C4orf50: variants seen among roughly 807,000 people sequenced by gnomAD.
C4orf50 encodes chromosome 4 open reading frame 50.
In C4orf50, 80 loss-of-function variants were observed where a neutral mutation model predicts 77.2. The observed-to-expected ratio is 1.04, with a 90% confidence interval of 0.87 to 1.25. The LOEUF (loss-of-function observed/expected upper bound fraction) is 1.25, where lower values mean the gene tolerates loss of function less well. C4orf50 is among the 50% of genes most tolerant of loss of function. The pLI, the probability that C4orf50 is intolerant of heterozygous loss-of-function variation, is 0.00. For missense variants in C4orf50, 1,257 were observed against 1,152.9 expected (o/e 1.09, Z -1.31); for synonymous variants, 532 against 465.3 (o/e 1.14, Z -1.84).
At chr4:5,898,219 A>G (rs1242264474) in intron 7 of C4orf50, 1 of 152,194 alleles carries the variant, frequency 6.6e-6, no homozygotes, top group Admixed American at 6.5e-5. Flanking sequence ...TCTGCCAATG[A>G]CACTCATGCC....
At chr4:5,998,819 GCA>G (rs1272219212) in intron 25 of C4orf50, among the ~76,000 whole-genome samples, 1 of 152,244 alleles carries the variant, frequency 6.6e-6, no homozygotes, top group Non-Finnish European at 1.5e-5. Context: ...GGTGCCCAGT[GCA>G]CACTCATGGG....
At chr4:5,985,292 A>C (rs985277340) in intron 28 of C4orf50, among the ~76,000 whole-genome samples, 1 of 152,182 alleles carries the variant, frequency 6.6e-6, no homozygotes, top group East Asian at 1.9e-4. Context: ...AAAGAACAGA[A>C]TAAGAACATG....
intron 7 of C4orf50, among the ~76,000 whole-genome samples, chr4:5,939,773 A>T (rs1466770437): frequency 6.6e-6 from 1 of 152,084 alleles, no homozygotes; most frequent in Non-Finnish European, 1.5e-5. Context: ...CTGTCCCCAG[A>T]CTGCAGAAAA....
chr4:6,018,228 G>A lies in C4orf50; in HGVS notation c.204C>T (p.Leu68=). Residue 68 remains leucine, a synonymous_variant, in exon 23 of 34, where the codon CTC becomes CTT. Transcript: ENST00000531445. This position sits in a 1 kb window ranked among gnomAD's most constrained non-coding sequence, Gnocchi z 5.1. The stretch of plus-strand genomic sequence containing the variant: ...GCTCGGAGGACTCCAGCTGCCTCCT[G>A]AGCGCACCCATATCCATGTCTGGGC... The A allele has an allele frequency of 5.0e-6, 2 of 399,018 alleles. No individual in the cohort carries two copies. The highest frequency in any genetic ancestry group is 8.8e-6 in the Non-Finnish European group (2 of 226,084). 24.7% of individuals were successfully genotyped at this position (399,018 alleles called of 1,614,324 possible).
chr4:5,996,993 A>G (rs1721620930), intron 25 of C4orf50, among the ~76,000 whole-genome samples: 1 of 152,250 alleles, frequency 6.6e-6, no homozygotes, highest in African/African-American at 2.4e-5. Flanking sequence ...AGAAAATGAG[A>G]GAGAAAGAAG....
chr4:5,933,860 T>C lies in C4orf50; in HGVS notation c.*2474+23041A>G, dbSNP rs151246946. Among the ~76,000 whole-genome samples the C allele has an allele frequency of 3.2e-3, 486 of 151,696 alleles. 3 individuals carry two copies. Among genetic ancestry groups the C allele is most frequent in the African/African-American group, 0.011 (466 of 41,308 alleles). On this transcript the variant is annotated intron_variant, in intron 7 of 7. Transcript: ENST00000324058. ...CCCTCCAAGATAGAATAAAAGCCAA[T>C]GTGGGGGTCCTGGTGACAAGACTGT...
intron 7 of C4orf50, among the ~76,000 whole-genome samples, chr4:5,933,929 G>C (rs1294383828): frequency 6.6e-6 from 1 of 152,100 alleles, no homozygotes; most frequent in Non-Finnish European, 1.5e-5. Flanking sequence ...GGACGAGACA[G>C]GAAGAGGAGA....
intron 7 of C4orf50, among the ~76,000 whole-genome samples, chr4:5,933,711 A>G (rs915371227): frequency 1.3e-5 from 2 of 151,996 alleles, no homozygotes; most frequent in Non-Finnish European, 2.9e-5. Flanking sequence ...TCGGGTGCCC[A>G]TGGGAAATGG....
chr4:5,973,701 C>G lies in C4orf50; in HGVS notation c.4062G>C (p.Leu1354=), dbSNP rs148859229. ...CCAGGAAGGTGGCCGTGTACTCAGC[C>G]AGTGCCACGTCGTTGAGCATGTTCT... The change falls in exon 31 of 34, where the codon CTG becomes CTC. Residue 1354 remains leucine, a synonymous_variant. Coordinates refer to ENST00000531445, the Ensembl canonical transcript of C4orf50. 4 of 1,613,982 alleles carry G rather than the reference C, an allele frequency of 2.5e-6. No individual in the cohort carries two copies. The African/African-American group carries it at 5.3e-5, about 22-fold the overall frequency.
rs1451521672 is a variant in C4orf50, at chr4:5,901,123, T to A, written c.*2475-2935A>T. 2 of 152,236 alleles carry A rather than the reference T, an allele frequency of 1.3e-5. No individual in the cohort carries two copies. The highest frequency in any genetic ancestry group is 4.1e-4 in the South Asian group (2 of 4,830). 9.4% of individuals were successfully genotyped at this position (152,236 alleles called of 1,614,324 possible). On this transcript the variant is annotated intron_variant, in intron 7 of 7. Transcript: ENST00000324058. The surrounding 1 kb of genome is among the most constrained non-coding windows in gnomAD (Gnocchi z 4.4). ...CCAACTAGCTGGCTGTTGCTAATCA[T>A]AATCTATGAATGTGCAGTACAACCA... is the stretch of plus-strand genomic sequence containing the variant.
At position 5,959,611 on chromosome 4, in the gene C4orf50, C is replaced by T. The variant is rs7695618; in HGVS notation, c.4291G>A (p.Val1431Met). ...CACGTTCCAGGATCAAGCGTGGACACCAAGGACAGAGGGAGCTGCAGGCAA... is the reference window on the plus strand; with the variant it reads ...CACGTTCCAGGATCAAGCGTGGACATCAAGGACAGAGGGAGCTGCAGGCAA... The change falls in exon 34 of 34, where the codon GTG becomes ATG. Residue 1431 changes from valine (V) to methionine (M), a missense_variant. Physicochemically the swap from Val to Met is conservative, Grantham distance 21. Transcript: ENST00000531445. 0.018 allele frequency: 29,608 copies of T among 1,613,260 alleles called. 3,980 individuals are homozygous for T. In the African/African-American group the frequency reaches 0.32, roughly 17 times the overall value.
rs1330286568 is a variant in C4orf50, at chr4:5,952,005, T to A, written c.*2474+4896A>T. Among the ~76,000 whole-genome samples the A allele has an allele frequency of 6.6e-6, 1 of 152,218 alleles. No individual in the cohort carries two copies. Among genetic ancestry groups the A allele is most frequent in the Admixed American group, 6.5e-5 (1 of 15,282 alleles). On this transcript the variant is annotated intron_variant, in intron 7 of 7. Coordinates refer to the C4orf50 transcript ENST00000324058. This position sits in a 1 kb window ranked among gnomAD's most constrained non-coding sequence, Gnocchi z 4.4. ...TTTTCTCATCTAACAGAATTTGCAC[T>A]ACAGACAGTGAGATAAAATAAAATA...
chr4:5,909,719 C>T (rs988520795), intron 7 of C4orf50, among the ~76,000 whole-genome samples: 12 of 152,156 alleles, frequency 7.9e-5, no homozygotes, highest in African/African-American at 1.4e-4. Flanking sequence ...CAATCTTCTG[C>T]GTGTGAATAT....
At chr4:5,990,688 G>C in exon 28 of C4orf50, 1 of 399,170 alleles carries the variant, frequency 2.5e-6, no homozygotes, top group South Asian at 1.3e-4. Context: ...GGCTTCTGCA[G>C]CTGGGTCAGC....
exon 34 of C4orf50, chr4:5,959,285 T>G: frequency 7.0e-7 from 1 of 1,435,674 alleles, no homozygotes; most frequent in Non-Finnish European, 9.5e-7. Context: ...AGGGCTCTGA[T>G]TGCTACCAAT....
chr4:6,004,134 GTGATGGTGA>G (rs1722054644), intron 25 of C4orf50, among the ~76,000 whole-genome samples: 13 of 9,328 alleles, frequency 1.4e-3, no homozygotes, highest in Middle Eastern at 0.045. Flanking sequence ...AGTGATGATG[GTGATGGTGA>G]TGATGGTGAT....
In C4orf50 at chr4:5,900,399, G is replaced by C. The variant is rs780583475; in HGVS notation, c.*2475-2211C>G. 1.3e-4 allele frequency: 19 copies of C among 151,992 alleles called. No individual in the cohort carries two copies. Among genetic ancestry groups the C allele is most frequent in the Non-Finnish European group, 2.4e-4 (16 of 68,024 alleles). The allele number at this position is 151,992 out of a possible 1,614,324, so 9.4% of individuals were successfully genotyped here. On this transcript the variant is annotated intron_variant, in intron 7 of 7. Transcript: ENST00000324058. This position sits in a 1 kb window ranked among gnomAD's most constrained non-coding sequence, Gnocchi z 4.3. ...CGAGAAACTAGGTAAGGAAGGCTACGGAAGGGTGGATTTAAAGATCAATCA... is the reference window on the plus strand; with the variant it reads ...CGAGAAACTAGGTAAGGAAGGCTACCGAAGGGTGGATTTAAAGATCAATCA...
At chr4:5,967,813 G>A (rs1719672015) in intron 31 of C4orf50, among the ~76,000 whole-genome samples, 1 of 152,162 alleles carries the variant, frequency 6.6e-6, no homozygotes. Flanking sequence ...CTCCCCTGGG[G>A]CCCCTGATTC....
chr4:5,904,702 CT>C (rs1383491710), intron 7 of C4orf50: 1 of 152,198 alleles, frequency 6.6e-6, no homozygotes, highest in Non-Finnish European at 1.5e-5. Context: ...ATTTGCAAAT[CT>C]GATGAAATCC....
Sources: allele counts gnomAD v4.1 joint callset (sites outside exome capture counted in the v4.1 genomes callset), GRCh38; gene constraint gnomAD v4.1.1; non-coding constraint Gnocchi (gnomAD v3.1); transcripts MANE v1.5; gene names NCBI Gene and HGNC (gene_info 2026-07-23, HGNC 2026-07-21).